The following PAX3 variants were observed in gnomAD, a reference collection of about 807,000 sequenced individuals.
PAX3 encodes paired box protein Pax-3.
In PAX3, 14 loss-of-function variants were observed where a neutral mutation model predicts 51.6. The observed-to-expected ratio is 0.27, with a 90% confidence interval of 0.18 to 0.42. The LOEUF is 0.42. Ranked by LOEUF, PAX3 falls within the 10% of genes least tolerant of loss-of-function variation. PAX3 has a pLI of 1.00. For missense variants in PAX3, 540 were observed against 642.8 expected (o/e 0.84, Z 1.73); for synonymous variants, 280 against 253.4 (o/e 1.11, Z -1.00).
chr2:222,273,494 C>T (rs1694320064), intron 4 of PAX3, among the ~76,000 whole-genome samples: 1 of 152,150 alleles, frequency 6.6e-6, no homozygotes, highest in Non-Finnish European at 1.5e-5. Context: ...CCTCTGGCTG[C>T]TTGTTGGAAG....
chr2:222,234,310 C>A (rs944321851), intron 4 of PAX3, among the ~76,000 whole-genome samples: 1 of 152,004 alleles, frequency 6.6e-6, no homozygotes, highest in Non-Finnish European at 1.5e-5. Context: ...TAACATAAAT[C>A]TTACGTTAGG....
chr2:222,205,000 C>T (rs1220508786), intron 7 of PAX3, among the ~76,000 whole-genome samples: 1 of 152,032 alleles, frequency 6.6e-6, no homozygotes, highest in Non-Finnish European at 1.5e-5. Flanking sequence ...GTTTGCATAA[C>T]TTTGAAGGCA....
At chr2:222,213,465 G>A (rs1365252467) in intron 7 of PAX3, among the ~76,000 whole-genome samples, 1 of 152,076 alleles carries the variant, frequency 6.6e-6, no homozygotes, top group African/African-American at 2.4e-5. Context: ...AGCTGAAATG[G>A]GCTCGTTTAT....
chr2:222,294,090 G>A (rs780166434), intron 4 of PAX3, 77 bp downstream of exon 4: 3 of 1,602,888 alleles, frequency 1.9e-6, no homozygotes, highest in African/African-American at 1.3e-5. Context: ...CTTGGCTGCC[G>A]TCAGATCACC....
rs71053063 is a variant in PAX3 at position 222,233,079 on chromosome 2, C to CAA, written c.587-798_587-797dup. The CAA allele has an allele frequency of 5.0e-4, 34 of 67,950 alleles. 1 individual carries two copies. Among genetic ancestry groups the CAA allele is most frequent in the African/African-American group, 2.3e-3 (24 of 10,382 alleles). The allele number at this position is 67,950 out of a possible 1,614,324, so 4.2% of individuals were successfully genotyped here. On this transcript the variant is annotated intron_variant, in intron 4 of 8. Coordinates refer to ENST00000392070, the MANE Select transcript of PAX3 (RefSeq NM_181458.4). ...GCTGCTTTATTTAAGAAAGCCAATG[C>CAA]AAAAAAAAAAAAAAAAAAAAAAAAA...
intron 7 of PAX3, among the ~76,000 whole-genome samples, chr2:222,211,371 T>C (rs1691726334): frequency 6.6e-6 from 1 of 152,204 alleles, no homozygotes; most frequent in African/African-American, 2.4e-5. Context: ...AAGTTTGAAC[T>C]CTATTGGTGC....
chr2:222,238,160 A>G (rs1465870373), intron 4 of PAX3, among the ~76,000 whole-genome samples: 3 of 152,130 alleles, frequency 2.0e-5, no homozygotes, highest in African/African-American at 4.8e-5. Context: ...AGGATTACAA[A>G]CTCTTCCTTC....
chr2:222,295,171 G>A (rs539701664), intron 3 of PAX3, among the ~76,000 whole-genome samples: 1 of 152,236 alleles, frequency 6.6e-6, no homozygotes, highest in South Asian at 2.1e-4. Context: ...CTCCCGGCGC[G>A]GGCCCCATCT....
Position 222,221,327 on chromosome 2 carries a change from C to T in PAX3, c.853G>A (p.Ala285Thr). Residue 285 changes from alanine to threonine, a missense_variant, in exon 6 of 9, where the codon GCT (alanine) becomes ACT (threonine). Transcript: ENST00000392070. Reference sequence around the variant, plus strand: ...CCCCCGGGAATGAGATGGTTGAAAGCCATCAGTTGATTGGCCCCAGCTTGC... The same window carrying T: ...CCCCCGGGAATGAGATGGTTGAAAGTCATCAGTTGATTGGCCCCAGCTTGC... ...RKQAGANQLM[A>T]FNHLIPGGFP... 1 of 1,614,052 alleles carries T rather than the reference C, an allele frequency of 6.2e-7. No homozygotes were observed. Among genetic ancestry groups the T allele is most frequent in the Admixed American group, 1.7e-5 (1 of 60,018 alleles).
Position 222,295,325 on chromosome 2 carries a change from C to T in PAX3, c.451+203G>A, listed in dbSNP as rs181889758. On this transcript the variant is annotated intron_variant, in intron 3 of 8. Coordinates refer to ENST00000392070, the MANE Select transcript of PAX3 (RefSeq NM_181458.4). Reference sequence around the variant, plus strand: ...GGGGCGTCCTCAGCGGTGGTCTCGCCACCCTCCGTCCCCAGGACAAGCAGC... The same window carrying T: ...GGGGCGTCCTCAGCGGTGGTCTCGCTACCCTCCGTCCCCAGGACAAGCAGC... Among the ~76,000 whole-genome samples, 255 of 152,336 alleles carry T rather than the reference C, an allele frequency of 1.7e-3. 1 individual carries two copies. The highest frequency in any genetic ancestry group is 4.3e-3 in the African/African-American group (178 of 41,584).
At chr2:222,255,102 A>T (rs1693589759) in intron 4 of PAX3, among the ~76,000 whole-genome samples, 1 of 152,298 alleles carries the variant, frequency 6.6e-6, no homozygotes, top group Admixed American at 6.5e-5. Context: ...TTTTTAACTC[A>T]GGAAGTTGGC....
chr2:222,268,710 A>G (rs1694145097), intron 4 of PAX3, among the ~76,000 whole-genome samples: 1 of 152,084 alleles, frequency 6.6e-6, no homozygotes, highest in African/African-American at 2.4e-5. Context: ...TTTTTTCTCA[A>G]CGAGAACTTT....
chr2:222,278,845 G>A (rs1694526115), intron 4 of PAX3, among the ~76,000 whole-genome samples: 4 of 152,330 alleles, frequency 2.6e-5, no homozygotes, highest in Middle Eastern at 3.4e-3. Context: ...ATTCCTTCAT[G>A]GTAAGTTGTC....
In PAX3 at chr2:222,279,268, C is replaced by G. The variant is rs554064738; in HGVS notation, c.586+14899G>C. ...CACGCCCAGCCAACCAGTTGAGTAT[C>G]TATGTGAATGAGGTAGAGCTGAGTG... On this transcript the variant is annotated intron_variant, in intron 4 of 8. Coordinates refer to ENST00000392070, the MANE Select transcript of PAX3 (RefSeq NM_181458.4). Among the ~76,000 whole-genome samples, 3 of 151,078 alleles carry G rather than the reference C, an allele frequency of 2.0e-5. No individual in the cohort carries two copies. In the East Asian group the frequency reaches 5.9e-4, roughly 30 times the overall value.
rs757957731 is a variant in PAX3 at position 222,232,135 on chromosome 2, G to A, written c.735C>T (p.Asp245=). The change falls in exon 5 of 9, where the codon GAC becomes GAT. Residue 245 remains aspartate, a synonymous_variant. Coordinates refer to ENST00000392070, the MANE Select transcript of PAX3 (RefSeq NM_181458.4). ...ERAFERTHYP[D]IYTREELAQR... ...GGGCCAGTTCCTCCCTAGTATAAAT[G>A]TCAGGGTAATGAGTTCTCTCAAAAG... The A allele has an allele frequency of 1.2e-6, 2 of 1,614,050 alleles. No individual in the cohort carries two copies. The highest frequency in any genetic ancestry group is 3.3e-5 in the Admixed American group (2 of 59,990).
intron 4 of PAX3, among the ~76,000 whole-genome samples, chr2:222,288,274 A>T (rs1434939871): frequency 6.6e-6 from 1 of 152,216 alleles, no homozygotes; most frequent in East Asian, 1.9e-4. Flanking sequence ...AGAAAGTGCA[A>T]TCCATAGGAC....
intron 4 of PAX3, among the ~76,000 whole-genome samples, chr2:222,288,063 G>T (rs565817347): frequency 6.6e-6 from 1 of 152,324 alleles, no homozygotes; most frequent in East Asian, 1.9e-4. Flanking sequence ...ATTTCCAAAA[G>T]ATTCGTTTGC....
rs71053065 is a variant in PAX3 at position 222,265,646 on chromosome 2, AGAAGGAAG to A, written c.586+28513_586+28520del. ...ACAGAGTGAGACTCCATCAAAAAAA[AGAAGGAAG>A]GAAGGAAGGAAGGAAGGAAGGAAGG... On this transcript the variant is annotated intron_variant, in intron 4 of 8. Transcript: ENST00000392070. Among the ~76,000 whole-genome samples, 127 of 109,248 alleles carry A rather than the reference AGAAGGAAG, an allele frequency of 1.2e-3. 1 individual carries two copies. Among genetic ancestry groups the A allele is most frequent in the African/African-American group, 1.4e-3 (41 of 28,442 alleles). 71.7% of individuals were successfully genotyped at this position (109,248 alleles called of 152,430 possible). A position where few individuals can be genotyped will look rare whatever the true frequency, so the allele number is the denominator to read the frequency against.
At chr2:222,278,020 A>AT (rs1694491217) in intron 4 of PAX3, among the ~76,000 whole-genome samples, 1 of 138,988 alleles carries the variant, frequency 7.2e-6, no homozygotes, top group Non-Finnish European at 1.6e-5. Flanking sequence ...AGTGTATTTT[A>AT]TGTGTGACCG....
Sources: allele counts gnomAD v4.1 joint callset (sites outside exome capture counted in the v4.1 genomes callset), GRCh38; gene constraint gnomAD v4.1.1; transcripts MANE v1.5; gene names NCBI Gene and HGNC (gene_info 2026-07-23, HGNC 2026-07-21).